The following ATXN1 variants were observed in gnomAD, a reference collection of about 807,000 sequenced individuals.
ATXN1 encodes the protein ataxin 1.
ATXN1 carries 8 observed loss-of-function variants against 56.4 expected under a neutral mutation model. That is an observed-to-expected ratio of 0.14 (90% confidence interval 0.08 to 0.26). ATXN1 has a LOEUF of 0.26. ATXN1 is among the 10% of genes least tolerant of loss of function. The probability of loss-of-function intolerance (pLI) is 1.00; values close to 1 mark genes in which losing one functional copy is unlikely to be tolerated. For synonymous variants in ATXN1, 514 were observed against 494.6 expected (o/e 1.04, Z -0.52); for missense variants, 987 against 1,106.5 (o/e 0.89, Z 1.53).
At chr6:16,535,175 C>T (rs1761573667) in intron 4 of ATXN1, among the ~76,000 whole-genome samples, 1 of 152,228 alleles carries the variant, frequency 6.6e-6, no homozygotes, top group Admixed American at 6.5e-5. Flanking sequence ...ACTGCACACA[C>T]CAAACTCCCA....
intron 3 of ATXN1, among the ~76,000 whole-genome samples, chr6:16,599,231 G>A (rs1038303053): frequency 6.6e-6 from 1 of 152,168 alleles, no homozygotes; most frequent in Non-Finnish European, 1.5e-5. Context: ...GCCTTCCAAG[G>A]TATGAACCAA....
chr6:16,499,146 G>T (rs1358365044), intron 5 of ATXN1, among the ~76,000 whole-genome samples: 5 of 152,020 alleles, frequency 3.3e-5, no homozygotes, highest in Non-Finnish European at 4.4e-5. Context: ...TACATTTAGG[G>T]TATTGATCCA....
chr6:16,640,689 GAAA>G (rs796623189), intron 3 of ATXN1, among the ~76,000 whole-genome samples: 1 of 118,164 alleles, frequency 8.5e-6, no homozygotes, highest in Non-Finnish European at 1.9e-5. Flanking sequence ...TCTCAAAAAA[GAAA>G]AAAAAAAAAG....
intron 5 of ATXN1, among the ~76,000 whole-genome samples, chr6:16,491,422 C>G (rs1054941911): frequency 6.6e-6 from 1 of 151,686 alleles, no homozygotes; most frequent in African/African-American, 2.4e-5. Context: ...GTAGCTGGGA[C>G]TGCAGGCACC....
At chr6:16,667,181 A>G (rs1758446671) in intron 2 of ATXN1, 1 of 152,226 alleles carries the variant, frequency 6.6e-6, no homozygotes, top group Non-Finnish European at 1.5e-5. Flanking sequence ...GGAGCTACAT[A>G]ATGTACCCAC....
chr6:16,437,343 T>C (rs1409057776), intron 6 of ATXN1, among the ~76,000 whole-genome samples: 2 of 152,228 alleles, frequency 1.3e-5, no homozygotes, highest in Admixed American at 1.3e-4. Flanking sequence ...GGAAGGCTAC[T>C]TGATGCGGAT....
At chr6:16,329,411 A>AAC (rs1209160726) in intron 6 of ATXN1, among the ~76,000 whole-genome samples, 12 of 151,356 alleles carry the variant, frequency 7.9e-5, no homozygotes, top group African/African-American at 2.7e-4. Context: ...CACACACACA[A>AAC]ACACACACAC....
intron 6 of ATXN1, among the ~76,000 whole-genome samples, chr6:16,346,936 G>A (rs754563968): frequency 2.6e-4 from 39 of 152,360 alleles, no homozygotes; most frequent in Middle Eastern, 3.4e-3. Flanking sequence ...GCCAGCGCGC[G>A]TTCCAGGTGG....
intron 3 of ATXN1, among the ~76,000 whole-genome samples, chr6:16,619,878 A>G (rs533557745): frequency 2.0e-5 from 3 of 150,790 alleles, no homozygotes; most frequent in Non-Finnish European, 2.9e-5. Context: ...CTCCGTCTCT[A>G]AGGGAAAAAA....
intron 7 of ATXN1, among the ~76,000 whole-genome samples, chr6:16,310,098 A>G (rs1760356070): frequency 6.6e-6 from 1 of 151,946 alleles, no homozygotes; most frequent in African/African-American, 2.4e-5. Context: ...AGAACAAAAT[A>G]CATATTATCT....
intron 2 of ATXN1, among the ~76,000 whole-genome samples, chr6:16,689,047 C>CTGTGTGTGTGTGTGTG (rs149330723): frequency 6.6e-6 from 1 of 151,444 alleles, no homozygotes; most frequent in African/African-American, 2.4e-5. Context: ...TATGTGTACT[C>CTGTGTGTGTGTGTGTG]TGTGTGTGTG....
chr6:16,384,866 C>G (rs964635167), intron 6 of ATXN1, among the ~76,000 whole-genome samples: 1 of 152,204 alleles, frequency 6.6e-6, no homozygotes, highest in South Asian at 2.1e-4. Flanking sequence ...TACACATTAT[C>G]CAGTCTCAGG....
chr6:16,306,282 A>G lies in ATXN1; in HGVS notation c.*47T>C. On this transcript the variant is annotated 3_prime_UTR_variant, in exon 8 of 8. Transcript: ENST00000436367. The surrounding 1 kb of genome is among the most constrained non-coding windows in gnomAD (Gnocchi z 5.2). ...TTTAGCCTACAGTACAGTAATCTGG[A>G]TACAAATGATAAGGGAGAGCCACGT... is the stretch of plus-strand genomic sequence containing the variant. The G allele has an allele frequency of 1.3e-6, 2 of 1,542,644 alleles. No homozygotes were observed. Among genetic ancestry groups the G allele is most frequent in the African/African-American group, 2.7e-5 (2 of 73,054 alleles).
In ATXN1 at chr6:16,327,342, G is replaced by T. The variant is rs757064338; in HGVS notation, c.969C>A (p.Val323=). The change falls in exon 7 of 8, where the codon GTC becomes GTA. Residue 323 remains valine, a synonymous_variant. Transcript: ENST00000436367. ...GGCTCTTCTCCATCTCACCGTTCAGGACCTCCTTGGCCTGGATGGCCTGCT... is the reference window on the plus strand; with the variant it reads ...GGCTCTTCTCCATCTCACCGTTCAGTACCTCCTTGGCCTGGATGGCCTGCT... ...RLQQAIQAKE[V]LNGEMEKSRR... is the part of the protein sequence containing the mutation. The T allele has an allele frequency of 6.2e-7, 1 of 1,613,384 alleles. No individual in the cohort carries two copies. Among genetic ancestry groups the T allele is most frequent in the Admixed American group, 1.7e-5 (1 of 60,032 alleles).
chr6:16,500,762 A>C (rs1473545707), intron 5 of ATXN1, among the ~76,000 whole-genome samples: 2 of 134,258 alleles, frequency 1.5e-5, no homozygotes, highest in African/African-American at 5.7e-5. Context: ...AAAAAAAAAC[A>C]TTGAGGAAAC....
intron 4 of ATXN1, among the ~76,000 whole-genome samples, chr6:16,542,448 A>G (rs1463840385): frequency 6.6e-6 from 1 of 152,222 alleles, no homozygotes; most frequent in African/African-American, 2.4e-5. Flanking sequence ...TGGTCTTGAC[A>G]GCCTTAATTC....
chr6:16,748,307 C>T (rs1214002159), intron 2 of ATXN1, among the ~76,000 whole-genome samples: 1 of 152,150 alleles, frequency 6.6e-6, no homozygotes, highest in Non-Finnish European at 1.5e-5. Flanking sequence ...AGGAAGGACC[C>T]TTCCTTGATC....
chr6:16,470,296 G>C (rs1029298540), intron 6 of ATXN1, among the ~76,000 whole-genome samples: 2 of 152,104 alleles, frequency 1.3e-5, no homozygotes, highest in East Asian at 3.9e-4. Flanking sequence ...TAGACAGCAA[G>C]TAGAATGGTG....
chr6:16,543,883 GT>G (rs1478837318), intron 4 of ATXN1, among the ~76,000 whole-genome samples: 1 of 88,860 alleles, frequency 1.1e-5, no homozygotes, highest in South Asian at 3.3e-4. Context: ...CGCAACAAAA[GT>G]AACAGGGTTG....
Sources: allele counts gnomAD v4.1 joint callset (sites outside exome capture counted in the v4.1 genomes callset), GRCh38; gene constraint gnomAD v4.1.1; non-coding constraint Gnocchi (gnomAD v3.1); transcripts MANE v1.5; gene names NCBI Gene and HGNC (gene_info 2026-07-23, HGNC 2026-07-21).